NRG1: variants seen among roughly 807,000 people sequenced by gnomAD.
NRG1 encodes neuregulin 1.
In NRG1, 18 loss-of-function variants were observed where a neutral mutation model predicts 63.8. That is an observed-to-expected ratio of 0.28 (90% CI 0.19 to 0.42). NRG1 has a LOEUF of 0.42. Among genes scored for constraint, NRG1 ranks in the 10% least tolerant of loss-of-function variants. The pLI, the probability that NRG1 is intolerant of heterozygous loss-of-function variation, is 1.00. For missense variants in NRG1, 762 were observed against 814.7 expected (o/e 0.94, Z 0.79); for synonymous variants, 302 against 301.3 (o/e 1.00, Z -0.02).
At chr8:31,884,186 G>A (rs1465928127) in intron 1 of NRG1, among the ~76,000 whole-genome samples, 1 of 152,064 alleles carries the variant, frequency 6.6e-6, no homozygotes, top group African/African-American at 2.4e-5. Context: ...AAATTTCAAG[G>A]GAATCCTATT....
At chr8:32,761,504 T>G (rs1444633964) in intron 11 of NRG1, among the ~76,000 whole-genome samples, 1 of 152,206 alleles carries the variant, frequency 6.6e-6, no homozygotes, top group Non-Finnish European at 1.5e-5. Flanking sequence ...TTTAGAACTT[T>G]GTGGAATTTA....
chr8:31,767,368 C>T (rs143903771), intron 1 of NRG1, among the ~76,000 whole-genome samples: 1 of 152,194 alleles, frequency 6.6e-6, no homozygotes, highest in Non-Finnish European at 1.5e-5. Flanking sequence ...GAGTCCTATG[C>T]TCCTTTAACA....
intron 1 of NRG1, chr8:31,639,845 C>T (rs1323055004): frequency 1.7e-6 from 2 of 1,145,398 alleles, no homozygotes; most frequent in South Asian, 3.8e-5. Context: ...TACCCCTGCA[C>T]CCCCAATAAA....
intron 1 of NRG1, among the ~76,000 whole-genome samples, chr8:31,879,400 G>A (rs1276879329): frequency 6.6e-6 from 1 of 152,178 alleles, no homozygotes; most frequent in Non-Finnish European, 1.5e-5. Context: ...TCTCTGATGA[G>A]CATTTCTGTA....
chr8:32,129,370 C>T (rs1238929987), intron 1 of NRG1, among the ~76,000 whole-genome samples: 1 of 151,972 alleles, frequency 6.6e-6, no homozygotes, highest in Non-Finnish European at 1.5e-5. Flanking sequence ...TCCCTTGCTT[C>T]TTTGGTGGCG....
intron 1 of NRG1, among the ~76,000 whole-genome samples, chr8:31,751,738 T>G (rs1219925020): frequency 6.6e-6 from 1 of 151,574 alleles, no homozygotes; most frequent in Non-Finnish European, 1.5e-5. Context: ...TGGAGAGAGA[T>G]AGAGAGTTTG....
chr8:32,369,570 C>A (rs1808540459), intron 1 of NRG1, among the ~76,000 whole-genome samples: 1 of 152,168 alleles, frequency 6.6e-6, no homozygotes, highest in African/African-American at 2.4e-5. Flanking sequence ...GGGCCCCCAA[C>A]CAGGGACCCT....
intron 1 of NRG1, among the ~76,000 whole-genome samples, chr8:32,271,349 G>C (rs1851523159): frequency 6.6e-6 from 1 of 152,150 alleles, no homozygotes; most frequent in Non-Finnish European, 1.5e-5. Context: ...AGAAATCAAA[G>C]TATGAGAACT....
chr8:31,671,147 T>A (rs574006031), intron 1 of NRG1, among the ~76,000 whole-genome samples: 15 of 152,058 alleles, frequency 9.9e-5, no homozygotes, highest in African/African-American at 3.4e-4. Flanking sequence ...TCATTTTTTT[T>A]AATAACTGTA....
At chr8:32,410,110 G>A (rs1814682026) in intron 1 of NRG1, among the ~76,000 whole-genome samples, 2 of 151,756 alleles carry the variant, frequency 1.3e-5, no homozygotes, top group South Asian at 2.1e-4. Context: ...ACTGAGACAG[G>A]AGATTGGGCT....
chr8:32,561,243 A>T (rs1444619334), intron 1 of NRG1, among the ~76,000 whole-genome samples: 2 of 152,192 alleles, frequency 1.3e-5, no homozygotes, highest in Non-Finnish European at 2.9e-5. Flanking sequence ...TTTGGGTGTT[A>T]TTATGCTTCC....
Position 31,639,520 on chromosome 8 carries a change from C to G in NRG1, c.37+89C>G. The G allele has an allele frequency of 2.7e-6, 4 of 1,501,774 alleles. No homozygotes were observed. In the South Asian group the frequency reaches 5.0e-5, roughly 19 times the overall value. 93.0% of individuals were successfully genotyped at this position (1,501,774 alleles called of 1,614,324 possible). On this transcript the variant is annotated intron_variant, in intron 1 of 10. Coordinates refer to the NRG1 transcript ENST00000519301. ...CGCAACTCCGCCTCCAGGGCTCTCTCCCTCGCGCTCTCTCCCAGCCGCTTG... is the reference window on the plus strand; with the variant it reads ...CGCAACTCCGCCTCCAGGGCTCTCTGCCTCGCGCTCTCTCCCAGCCGCTTG...
chr8:32,310,951 T>A (rs1045397769), intron 1 of NRG1, among the ~76,000 whole-genome samples: 1 of 152,172 alleles, frequency 6.6e-6, no homozygotes, highest in East Asian at 1.9e-4. Context: ...ATTCTACCCA[T>A]CAGAATTTAG....
At chr8:32,285,687 A>C (rs981722795) in intron 1 of NRG1, among the ~76,000 whole-genome samples, 1 of 152,062 alleles carries the variant, frequency 6.6e-6, no homozygotes, top group Non-Finnish European at 1.5e-5. Context: ...TGTGTTCTTG[A>C]GACTTTTTGA....
intron 1 of NRG1, among the ~76,000 whole-genome samples, chr8:31,974,588 T>C (rs1039849013): frequency 5.3e-5 from 8 of 152,176 alleles, no homozygotes; most frequent in African/African-American, 1.9e-4. Context: ...GGGGCATCTA[T>C]TCTATGCCAG....
At chr8:32,181,573 T>G (rs962345415) in intron 1 of NRG1, among the ~76,000 whole-genome samples, 2 of 152,248 alleles carry the variant, frequency 1.3e-5, no homozygotes, top group African/African-American at 4.8e-5. Context: ...ATGTTATTTA[T>G]TCACTTCTAC....
intron 1 of NRG1, among the ~76,000 whole-genome samples, chr8:31,831,814 A>G (rs1021809095): frequency 1.3e-5 from 2 of 152,042 alleles, no homozygotes; most frequent in African/African-American, 4.8e-5. Flanking sequence ...TTGTATACAA[A>G]CCCTGTACAT....
chr8:31,870,720 G>C (rs1563508847), intron 1 of NRG1, among the ~76,000 whole-genome samples: 1 of 152,054 alleles, frequency 6.6e-6, no homozygotes, highest in African/African-American at 2.4e-5. Flanking sequence ...ACTTGAGAGG[G>C]TTTTATTTTT....
At chr8:31,680,579 T>C (rs1410228600) in intron 1 of NRG1, among the ~76,000 whole-genome samples, 1 of 150,402 alleles carries the variant, frequency 6.6e-6, no homozygotes, top group Non-Finnish European at 1.5e-5. Flanking sequence ...TTTGCTATTG[T>C]GAATAGTGCC....
Sources: allele counts gnomAD v4.1 joint callset (sites outside exome capture counted in the v4.1 genomes callset), GRCh38; gene constraint gnomAD v4.1.1; transcripts MANE v1.5; gene names NCBI Gene and HGNC (gene_info 2026-07-23, HGNC 2026-07-21).